CDH18: variants seen among roughly 807,000 people sequenced by gnomAD.
The protein encoded by CDH18 is cadherin 18.
Under a neutral mutation model 67.9 loss-of-function variants are expected in CDH18, and 31 were observed. The ratio of observed to expected loss-of-function variants is 0.46; its 90% CI spans 0.34 to 0.62. The LOEUF (loss-of-function observed/expected upper bound fraction) is 0.62, where lower values mean the gene tolerates loss of function less well. Among genes scored for constraint, CDH18 ranks in the 20% least tolerant of loss-of-function variants. The pLI is 0.01. For missense variants in CDH18, 890 were observed against 975.5 expected, an observed-to-expected ratio of 0.91 and a Z score of 1.17; for synonymous variants, 362 against 347.2, an observed-to-expected ratio of 1.04 and a Z score of -0.48.
intron 2 of CDH18, among the ~76,000 whole-genome samples, chr5:19,994,724 TATATATATATATATAG>T (rs1245841277): frequency 3.8e-4 from 9 of 23,962 alleles, no homozygotes; most frequent in Non-Finnish European, 6.9e-4. Context: ...TATATATATA[TATATATATATATATAG>T]AGAGAGAGAG....
intron 2 of CDH18, among the ~76,000 whole-genome samples, chr5:20,159,703 G>A (rs1009072151): frequency 1.3e-5 from 2 of 151,984 alleles, no homozygotes; most frequent in Admixed American, 6.6e-5. Flanking sequence ...TAAAGAGACT[G>A]ATGGGCATTG....
intron 2 of CDH18, among the ~76,000 whole-genome samples, chr5:20,245,984 G>A (rs1250143504): frequency 1.3e-5 from 2 of 152,100 alleles, no homozygotes; most frequent in Admixed American, 6.5e-5. Flanking sequence ...TTTTAATGGA[G>A]GACCATGTTG....
intron 2 of CDH18, among the ~76,000 whole-genome samples, chr5:19,970,282 T>G (rs1437951253): frequency 6.6e-6 from 1 of 151,428 alleles, no homozygotes; most frequent in African/African-American, 2.4e-5. Flanking sequence ...ACATGAATAA[T>G]AAGTATTTTC....
chr5:19,578,441 T>C (rs566882441), intron 7 of CDH18, among the ~76,000 whole-genome samples: 1 of 152,210 alleles, frequency 6.6e-6, no homozygotes, highest in Admixed American at 6.5e-5. Context: ...AAATCCTTCA[T>C]ATTAAATTTA....
intron 5 of CDH18, among the ~76,000 whole-genome samples, chr5:19,630,030 G>A (rs371970278): frequency 1.3e-5 from 2 of 151,954 alleles, no homozygotes; most frequent in African/African-American, 2.4e-5. Context: ...TCCACCTCCC[G>A]GGTTCAAGCA....
intron 2 of CDH18, among the ~76,000 whole-genome samples, chr5:20,115,575 T>G (rs1018014691): frequency 6.6e-6 from 1 of 151,924 alleles, no homozygotes; most frequent in Middle Eastern, 3.2e-3. Flanking sequence ...CTTAAACTAA[T>G]TATCCCCCAA....
At chr5:20,110,314 G>A (rs1345950483) in intron 2 of CDH18, among the ~76,000 whole-genome samples, 2 of 152,212 alleles carry the variant, frequency 1.3e-5, no homozygotes, top group African/African-American at 2.4e-5. Flanking sequence ...CTACTAAACA[G>A]TAGAAACATA....
intron 2 of CDH18, among the ~76,000 whole-genome samples, chr5:19,931,864 T>A (rs780546814): frequency 6.6e-6 from 1 of 151,742 alleles, no homozygotes; most frequent in Non-Finnish European, 1.5e-5. Context: ...TTTTGAGTGT[T>A]CATCTCTCTA....
chr5:19,964,531 C>T lies in CDH18; in HGVS notation c.-257+16529G>A, dbSNP rs1270076919. 2.0e-5 allele frequency among the ~76,000 whole-genome samples: 3 copies of T among 150,692 alleles called. No homozygotes were observed. In the East Asian group the frequency reaches 5.8e-4, roughly 29 times the overall value. On this transcript the variant is annotated intron_variant, in intron 2 of 12. Transcript: ENST00000382275. ...GAGGACTGCTTGAGCCTGGGATAGT[C>T]TCAGCTTCTGAAGATGCTGAAGTGG...
At chr5:19,610,774 G>A (rs972580584) in intron 6 of CDH18, among the ~76,000 whole-genome samples, 3 of 151,996 alleles carry the variant, frequency 2.0e-5, no homozygotes, top group African/African-American at 7.2e-5. Flanking sequence ...TCATGTATAT[G>A]CACATTGTTG....
chr5:19,918,969 A>T (rs1330994045), intron 2 of CDH18, among the ~76,000 whole-genome samples: 2 of 152,148 alleles, frequency 1.3e-5, no homozygotes, highest in Non-Finnish European at 2.9e-5. Context: ...GGAACCAAAC[A>T]TATGACCAGA....
chr5:20,565,381 A>C (rs1255134554), intron 1 of CDH18, among the ~76,000 whole-genome samples: 1 of 152,162 alleles, frequency 6.6e-6, no homozygotes, highest in Non-Finnish European at 1.5e-5. Flanking sequence ...AATCCTGATT[A>C]CTACTTAGTT....
chr5:19,879,090 CTCTAA>C (rs747596120), intron 2 of CDH18, among the ~76,000 whole-genome samples: 3 of 151,838 alleles, frequency 2.0e-5, no homozygotes, highest in Non-Finnish European at 2.9e-5. Context: ...ATGAATAATA[CTCTAA>C]TCTAAGCTTT....
chr5:19,548,752 C>CCT (rs915347188), intron 8 of CDH18, among the ~76,000 whole-genome samples: 4 of 137,840 alleles, frequency 2.9e-5, no homozygotes, highest in African/African-American at 7.9e-5. Context: ...TATTTATCAG[C>CCT]TTTTTTTTTT....
intron 2 of CDH18, among the ~76,000 whole-genome samples, chr5:20,045,651 T>C (rs1379880903): frequency 6.6e-6 from 1 of 151,718 alleles, no homozygotes; most frequent in African/African-American, 2.4e-5. Context: ...GGTAAGGAAA[T>C]AGAGAGTGGC....
intron 1 of CDH18, among the ~76,000 whole-genome samples, chr5:20,283,369 CAG>C (rs1470054194): frequency 1.3e-5 from 2 of 151,900 alleles, no homozygotes; most frequent in African/African-American, 4.8e-5. Context: ...GGCTAATTAC[CAG>C]AGTATATAAG....
chr5:20,331,947 C>T (rs533619304), intron 1 of CDH18, among the ~76,000 whole-genome samples: 23 of 152,244 alleles, frequency 1.5e-4, no homozygotes, highest in Non-Finnish European at 3.4e-4. Context: ...TAAGTGTTTT[C>T]AGGTATGCTT....
chr5:20,366,217 G>A (rs1470749180), intron 1 of CDH18, among the ~76,000 whole-genome samples: 1 of 152,042 alleles, frequency 6.6e-6, no homozygotes, highest in African/African-American at 2.4e-5. Flanking sequence ...TTTATCTCCA[G>A]TGCTCCCTAT....
intron 2 of CDH18, among the ~76,000 whole-genome samples, chr5:20,051,769 T>C (rs939789706): frequency 6.6e-6 from 1 of 152,040 alleles, no homozygotes; most frequent in African/African-American, 2.4e-5. Context: ...ATAATTCTTA[T>C]TGGAGAAATA....
Sources: gnomAD v4.1 joint callset for allele counts (sites outside exome capture counted in the v4.1 genomes callset) on GRCh38, gnomAD v4.1.1 for gene constraint, MANE v1.5 for transcripts, NCBI Gene and HGNC (gene_info 2026-07-23, HGNC 2026-07-21) for gene names.